PDSS2: variants seen among roughly 807,000 people sequenced by gnomAD.
The protein encoded by PDSS2 is decaprenyl diphosphate synthase subunit 2.
Under a neutral mutation model 44.5 loss-of-function variants are expected in PDSS2, and 31 were observed. The ratio of observed to expected loss-of-function variants is 0.70; its 90% CI spans 0.52 to 0.94. The LOEUF (loss-of-function observed/expected upper bound fraction) is 0.94. PDSS2 is among the 40% of genes least tolerant of loss of function. PDSS2 has a pLI of 0.00. For missense variants in PDSS2, 452 were observed against 482.2 expected (o/e 0.94, Z 0.59); for synonymous variants, 157 against 180.3 (o/e 0.87, Z 1.03).
At chr6:107,297,309 C>A (rs1562443843) in intron 2 of PDSS2, among the ~76,000 whole-genome samples, 1 of 152,124 alleles carries the variant, frequency 6.6e-6, no homozygotes, top group Non-Finnish European at 1.5e-5. Context: ...TATACAATAT[C>A]CCTCCTTTCC....
At chr6:107,415,228 T>A (rs1394317362) in intron 1 of PDSS2, among the ~76,000 whole-genome samples, 1 of 152,080 alleles carries the variant, frequency 6.6e-6, no homozygotes, top group African/African-American at 2.4e-5. Flanking sequence ...CTGGTGTGCA[T>A]GCCCAAACCA....
At chr6:107,255,328 G>A (rs1186682901) in intron 3 of PDSS2, among the ~76,000 whole-genome samples, 1 of 151,608 alleles carries the variant, frequency 6.6e-6, no homozygotes, top group East Asian at 1.9e-4. Flanking sequence ...AAGTAGCTGG[G>A]ATTACAGGCG....
At chr6:107,300,318 C>T (rs1000536742) in intron 2 of PDSS2, among the ~76,000 whole-genome samples, 1 of 152,178 alleles carries the variant, frequency 6.6e-6, no homozygotes, top group Admixed American at 6.5e-5. Flanking sequence ...GAAATCTCAA[C>T]TGCACGACCC....
intron 1 of PDSS2, among the ~76,000 whole-genome samples, chr6:107,335,862 T>C (rs978706814): frequency 1.3e-5 from 2 of 152,156 alleles, no homozygotes; most frequent in Non-Finnish European, 2.9e-5. Flanking sequence ...ATTAGTGTTA[T>C]AATACTTGAC....
Position 107,177,131 on chromosome 6 carries a change from C to CT in PDSS2, c.1041+16690dup, listed in dbSNP as rs5878907. Among the ~76,000 whole-genome samples the CT allele has an allele frequency of 6.9e-3, 830 of 119,524 alleles. 10 individuals carry two copies. Among genetic ancestry groups the CT allele is most frequent in the Non-Finnish European group, 9.5e-3 (562 of 59,092 alleles). The allele number at this position is 119,524 out of a possible 152,430, so 78.4% of individuals were successfully genotyped here. ...ATCTGCTGAAACACGTAATGTAATT[C>CT]TTTTTTTTTTTTTTTTTGGGAGACA... is the stretch of plus-strand genomic sequence containing the variant. On this transcript the variant is annotated intron_variant, in intron 7 of 7. Transcript: ENST00000369037.
chr6:107,227,147 T>C (rs967097816), intron 4 of PDSS2, among the ~76,000 whole-genome samples: 2 of 151,730 alleles, frequency 1.3e-5, no homozygotes, highest in Admixed American at 1.3e-4. Context: ...ATCTGGCTAA[T>C]GTTTTAAATA....
At chr6:107,209,179 G>A (rs532843540) in intron 6 of PDSS2, among the ~76,000 whole-genome samples, 1 of 152,156 alleles carries the variant, frequency 6.6e-6, no homozygotes, top group East Asian at 1.9e-4. Context: ...TTTCCGCTAA[G>A]TTCCCTTTTT....
At chr6:107,272,484 G>A (rs561571374) in intron 3 of PDSS2, among the ~76,000 whole-genome samples, 2 of 152,278 alleles carry the variant, frequency 1.3e-5, no homozygotes, top group African/African-American at 2.4e-5. Context: ...AAAACAGTAA[G>A]ACAGAAGGAG....
intron 1 of PDSS2, among the ~76,000 whole-genome samples, chr6:107,339,050 T>C (rs539786144): frequency 1.5e-4 from 23 of 152,284 alleles, no homozygotes; most frequent in South Asian, 4.1e-4. Context: ...AGACTGATGC[T>C]AATGGACACA....
intron 4 of PDSS2, among the ~76,000 whole-genome samples, chr6:107,213,893 A>G (rs1262071172): frequency 6.6e-6 from 1 of 152,228 alleles, no homozygotes; most frequent in Non-Finnish European, 1.5e-5. Flanking sequence ...TAATTTATAA[A>G]TAAATATATA....
intron 2 of PDSS2, among the ~76,000 whole-genome samples, chr6:107,298,094 A>G (rs549554174): frequency 1.3e-5 from 2 of 152,340 alleles, no homozygotes; most frequent in Admixed American, 1.3e-4. Context: ...TATGATGTGA[A>G]AAAGATATGA....
chr6:107,186,283 C>T (rs1772161179), intron 7 of PDSS2, among the ~76,000 whole-genome samples: 1 of 152,152 alleles, frequency 6.6e-6, no homozygotes, highest in South Asian at 2.1e-4. Flanking sequence ...AAAAGTAATT[C>T]AATTTCTAGC....
intron 2 of PDSS2, among the ~76,000 whole-genome samples, chr6:107,278,188 G>T (rs1451978879): frequency 6.6e-6 from 1 of 152,000 alleles, no homozygotes; most frequent in Non-Finnish European, 1.5e-5. Flanking sequence ...TGACCCAGTA[G>T]ACATATTGTA....
intron 1 of PDSS2, among the ~76,000 whole-genome samples, chr6:107,360,837 T>A (rs1274022034): frequency 6.6e-6 from 1 of 152,240 alleles, no homozygotes; most frequent in Non-Finnish European, 1.5e-5. Flanking sequence ...ATTAGAAATT[T>A]GGACATAATT....
At chr6:107,159,948 G>T (rs1268326173) in intron 7 of PDSS2, among the ~76,000 whole-genome samples, 1 of 152,098 alleles carries the variant, frequency 6.6e-6, no homozygotes, top group Non-Finnish European at 1.5e-5. Context: ...GGGTGCGGTG[G>T]CTCACTCCTG....
chr6:107,400,529 G>C (rs1037406238), intron 1 of PDSS2, among the ~76,000 whole-genome samples: 3 of 152,184 alleles, frequency 2.0e-5, no homozygotes, highest in African/African-American at 7.2e-5. Context: ...TTTGCAACCT[G>C]AGGATGAACT....
chr6:107,255,804 T>C (rs915349572), intron 3 of PDSS2, among the ~76,000 whole-genome samples: 9 of 152,214 alleles, frequency 5.9e-5, no homozygotes, highest in Non-Finnish European at 1.0e-4. Flanking sequence ...ACATTGTTAC[T>C]CTAAAATATA....
intron 4 of PDSS2, among the ~76,000 whole-genome samples, chr6:107,228,192 C>T (rs977882934): frequency 1.3e-5 from 2 of 152,190 alleles, no homozygotes; most frequent in Non-Finnish European, 2.9e-5. Context: ...CATTCATCAA[C>T]TAGATCCACT....
chr6:107,168,728 A>G (rs1771445914), intron 7 of PDSS2, among the ~76,000 whole-genome samples: 1 of 151,240 alleles, frequency 6.6e-6, no homozygotes, highest in Non-Finnish European at 1.5e-5. Flanking sequence ...TTTCTCCTTC[A>G]CTTATGAAGC....
Sources: gnomAD v4.1 joint callset for allele counts (sites outside exome capture counted in the v4.1 genomes callset) on GRCh38, gnomAD v4.1.1 for gene constraint, MANE v1.5 for transcripts, NCBI Gene and HGNC (gene_info 2026-07-23, HGNC 2026-07-21) for gene names.